The following MAF variants were observed in gnomAD, a reference collection of about 807,000 sequenced individuals.
MAF encodes transcription factor Maf.
In MAF, 10 loss-of-function variants were observed where a neutral mutation model predicts 22.0. The ratio of observed to expected loss-of-function variants is 0.45; its 90% CI spans 0.28 to 0.77. The LOEUF (loss-of-function observed/expected upper bound fraction) is 0.77. Among genes scored for constraint, MAF ranks in the 30% least tolerant of loss-of-function variants. MAF has a pLI of 0.12. For synonymous variants in MAF, 337 were observed against 255.8 expected (o/e 1.32, Z -3.03); for missense variants, 544 against 548.4 (o/e 0.99, Z 0.08).
At chr16:79,522,296 G>A in the MAF span, among the ~76,000 whole-genome samples, 1 of 152,148 alleles carries the variant, frequency 6.6e-6, no homozygotes, top group African/African-American at 2.4e-5. Flanking sequence ...CTTTTTACAT[G>A]AGTCTTCCTG....
the MAF span, among the ~76,000 whole-genome samples, chr16:79,553,327 C>T: frequency 6.6e-6 from 1 of 152,330 alleles, no homozygotes; most frequent in South Asian, 2.1e-4. Flanking sequence ...GAGTGGCTTC[C>T]AATGGAGCCT....
At chr16:79,581,723 C>T (rs914160063), downstream of MAF, among the ~76,000 whole-genome samples, 17 of 152,192 alleles carry the variant, frequency 1.1e-4, no homozygotes, top group Non-Finnish European at 1.9e-4. Flanking sequence ...ACAATCCTAC[C>T]GACAAAAATC....
At chr16:79,386,091 TC>T in the MAF span, among the ~76,000 whole-genome samples, 1 of 152,186 alleles carries the variant, frequency 6.6e-6, no homozygotes, top group East Asian at 1.9e-4. Context: ...TAATCAGCAG[TC>T]CCCAACCTTT....
chr16:79,243,024 C>A, the MAF span, among the ~76,000 whole-genome samples: 3 of 151,940 alleles, frequency 2.0e-5, no homozygotes, highest in African/African-American at 7.2e-5. Flanking sequence ...CACAAAGTAC[C>A]AGAGTCTCTG....
At chr16:79,470,031 T>C in the MAF span, among the ~76,000 whole-genome samples, 67 of 152,346 alleles carry the variant, frequency 4.4e-4, no homozygotes, top group Non-Finnish European at 8.2e-4. Context: ...CTCAGAAACG[T>C]GCGGTCTGCT....
At chr16:79,569,495 A>T in the MAF span, among the ~76,000 whole-genome samples, 3 of 152,216 alleles carry the variant, frequency 2.0e-5, no homozygotes, top group Non-Finnish European at 4.4e-5. Context: ...CAAGTGCTCA[A>T]ATGTGGTCCC....
chr16:79,230,248 T>C, the MAF span, among the ~76,000 whole-genome samples: 1 of 152,108 alleles, frequency 6.6e-6, no homozygotes, highest in Non-Finnish European at 1.5e-5. Context: ...GAAGCTCTCT[T>C]TGGCATTCTG....
At chr16:79,296,955 C>A in the MAF span, among the ~76,000 whole-genome samples, 2 of 152,188 alleles carry the variant, frequency 1.3e-5, no homozygotes, top group Non-Finnish European at 2.9e-5. Flanking sequence ...AAAAGCAAAT[C>A]CCCCTATGGA....
At chr16:79,362,370 G>C in the MAF span, among the ~76,000 whole-genome samples, 3 of 152,074 alleles carry the variant, frequency 2.0e-5, no homozygotes, top group African/African-American at 7.2e-5. Flanking sequence ...TTGAATATAC[G>C]AGTTACCCCC....
At chr16:79,467,684 A>G in the MAF span, among the ~76,000 whole-genome samples, 1 of 152,168 alleles carries the variant, frequency 6.6e-6, no homozygotes, top group South Asian at 2.1e-4. Context: ...GACCTCGTGA[A>G]TCGGAAACTC....
At chr16:79,469,861 C>G in the MAF span, among the ~76,000 whole-genome samples, 45 of 152,274 alleles carry the variant, frequency 3.0e-4, no homozygotes, top group East Asian at 7.7e-3. Flanking sequence ...TCCCAAAGTG[C>G]TGAGATTACA....
chr16:79,599,114 G>C lies in MAF; in HGVS notation c.789C>G (p.Asp263Glu), dbSNP rs755051166. The change falls in exon 1 of 2, where the codon GAC becomes GAG. Residue 263 changes from aspartate to glutamate, a missense_variant. By Grantham distance (45) the Asp-to-Glu change is conservative. Coordinates refer to ENST00000326043, the MANE Select transcript of MAF (RefSeq NM_005360.5). ...GGLHFDDRFSDEQLVTMSVRE... is the reference protein window; with the variant it reads ...GGLHFDDRFSEEQLVTMSVRE... The stretch of plus-strand genomic sequence containing the variant: ...GCACAGACATGGTCACCAGCTGCTC[G>C]TCGGAGAAGCGGTCGTCGAAGTGCA... 5 of 1,599,876 alleles carry C rather than the reference G, an allele frequency of 3.1e-6. No individual in the cohort carries two copies. The highest frequency in any genetic ancestry group is 2.2e-5 in the East Asian group (1 of 44,536).
chr16:79,595,640 G>A (rs1913473716), intron 1 of MAF: 1 of 1,057,658 alleles, frequency 9.5e-7, no homozygotes, highest in South Asian at 4.6e-5. Flanking sequence ...GTCTTTCCAA[G>A]GGATCTTTAA....
the MAF span, among the ~76,000 whole-genome samples, chr16:79,413,212 T>TTTTTG: frequency 9.7e-5 from 1 of 10,264 alleles, no homozygotes; most frequent in African/African-American, 4.8e-4. Flanking sequence ...GCTGTGCAGT[T>TTTTTG]TTTTTTTTTT....
the MAF span, among the ~76,000 whole-genome samples, chr16:79,221,186 T>C: frequency 1.3e-5 from 2 of 152,228 alleles, no homozygotes; most frequent in African/African-American, 4.8e-5. Context: ...AAGACAGAGC[T>C]TGCCCTTAAA....
At chr16:79,218,498 C>T in the MAF span, among the ~76,000 whole-genome samples, 1 of 152,176 alleles carries the variant, frequency 6.6e-6, no homozygotes, top group African/African-American at 2.4e-5. Flanking sequence ...TCCTACTGGC[C>T]TTTGCCACAG....
At chr16:79,400,323 C>T in the MAF span, among the ~76,000 whole-genome samples, 4 of 152,196 alleles carry the variant, frequency 2.6e-5, no homozygotes, top group Non-Finnish European at 5.9e-5. Flanking sequence ...ATTCTGACTA[C>T]AACTTGTGCC....
At chr16:79,467,342 C>G in the MAF span, among the ~76,000 whole-genome samples, 1 of 152,218 alleles carries the variant, frequency 6.6e-6, no homozygotes, top group African/African-American at 2.4e-5. Flanking sequence ...AGATGGGAAT[C>G]TGCAAGGGGG....
the MAF span, among the ~76,000 whole-genome samples, chr16:79,574,536 T>C: frequency 6.6e-6 from 1 of 152,198 alleles, no homozygotes; most frequent in Non-Finnish European, 1.5e-5. Context: ...GTGCTGGCTC[T>C]GGGATGAACT....
Sources: allele counts gnomAD v4.1 joint callset (sites outside exome capture counted in the v4.1 genomes callset), GRCh38; gene constraint gnomAD v4.1.1; transcripts MANE v1.5; gene names NCBI Gene and HGNC (gene_info 2026-07-23, HGNC 2026-07-21).